Variants in INKA2 observed in about 807,000 individuals in gnomAD.
INKA2 encodes inka box actin regulator 2.
In INKA2, 3 loss-of-function variants were observed where a neutral mutation model predicts 9.8. The observed-to-expected ratio is 0.31, with a 90% confidence interval of 0.14 to 0.79. INKA2 has a LOEUF of 0.79. Among genes scored for constraint, INKA2 ranks in the 30% least tolerant of loss-of-function variants. The probability of loss-of-function intolerance (pLI) is 0.62; values close to 1 mark genes in which losing one functional copy is unlikely to be tolerated. For missense variants in INKA2, 392 were observed against 384.4 expected, an observed-to-expected ratio of 1.02 and a Z score of -0.17; for synonymous variants, 147 against 143.3, an observed-to-expected ratio of 1.03 and a Z score of -0.18.
rs966409238 is a variant in INKA2, at chr1:111,725,419, G to C, written c.*1549C>G. 3 of 152,150 alleles carry C rather than the reference G, an allele frequency of 2.0e-5. No homozygotes were observed. The highest frequency in any genetic ancestry group is 4.8e-5 in the African/African-American group (2 of 41,414). 9.4% of individuals were successfully genotyped at this position (152,150 alleles called of 1,614,324 possible). On this transcript the variant is annotated 3_prime_UTR_variant, in exon 2 of 2. Transcript: ENST00000357260. ...CAGTGGCTTCCCAGGGCAGTCCTGG[G>C]GGGGGGCCTGGATCACTAGGTGGCC... is the stretch of plus-strand genomic sequence containing the variant.
At chr1:111,730,785 G>A (rs1393095321) in intron 1 of INKA2, among the ~76,000 whole-genome samples, 1 of 152,106 alleles carries the variant, frequency 6.6e-6, no homozygotes, top group East Asian at 1.9e-4. Context: ...GAGGACAGGG[G>A]CTGAGATCTA....
intron 1 of INKA2, chr1:111,746,277 C>T (rs1241940323): frequency 6.6e-6 from 1 of 152,212 alleles, no homozygotes; most frequent in African/African-American, 2.4e-5. Flanking sequence ...AAGAGAAGAC[C>T]TCAAATTCCC....
intron 1 of INKA2, among the ~76,000 whole-genome samples, chr1:111,737,134 G>A (rs1013771080): frequency 2.0e-5 from 3 of 152,138 alleles, no homozygotes; most frequent in Non-Finnish European, 4.4e-5. Context: ...TCCTCTCCAA[G>A]AGAGTCAAAG....
chr1:111,734,535 G>A (rs933194919), intron 1 of INKA2, among the ~76,000 whole-genome samples: 1 of 151,892 alleles, frequency 6.6e-6, no homozygotes, highest in Non-Finnish European at 1.5e-5. Flanking sequence ...TGGATCCCAG[G>A]GCTGCTCTCC....
chr1:111,749,052 C>T (rs996705404), intron 1 of INKA2, among the ~76,000 whole-genome samples: 1 of 152,178 alleles, frequency 6.6e-6, no homozygotes, highest in East Asian at 1.9e-4. Context: ...AAAATGTGAG[C>T]GAAGCTGCCT....
intron 1 of INKA2, chr1:111,754,872 T>C (rs540266836): frequency 1.3e-5 from 2 of 152,322 alleles, no homozygotes; most frequent in East Asian, 3.9e-4. Flanking sequence ...GACATATAAT[T>C]TCAGGTAGGT....
At chr1:111,737,725 G>T (rs1227124169) in intron 1 of INKA2, among the ~76,000 whole-genome samples, 2 of 152,212 alleles carry the variant, frequency 1.3e-5, no homozygotes, top group Non-Finnish European at 2.9e-5. Context: ...TGTCTCTCAA[G>T]AAATTTATCT....
intron 1 of INKA2, among the ~76,000 whole-genome samples, chr1:111,738,954 GTCTC>G (rs1046134453): frequency 6.6e-6 from 1 of 152,158 alleles, no homozygotes; most frequent in African/African-American, 2.4e-5. Flanking sequence ...TGCTCCCTCT[GTCTC>G]TCTGTCACTT....
chr1:111,723,286 C>A lies in INKA2; in HGVS notation c.*3682G>T. 1.9e-6 allele frequency: 1 copy of A among 533,456 alleles called. No homozygotes were observed. Among genetic ancestry groups the A allele is most frequent in the Non-Finnish European group, 3.3e-6 (1 of 302,334 alleles). The allele number at this position is 533,456 out of a possible 1,614,324, so 33.0% of individuals were successfully genotyped here. ...AGATGGGGATGTGGAGAGGACAGAG[C>A]AACCTTCTTTGGGGCAAGTTTGGGT... is the stretch of plus-strand genomic sequence containing the variant. On this transcript the variant is annotated 3_prime_UTR_variant, in exon 2 of 2. Coordinates refer to ENST00000357260, the MANE Select transcript of INKA2 (RefSeq NM_019099.5).
intron 1 of INKA2, among the ~76,000 whole-genome samples, chr1:111,729,123 GGGCTGAAAA>G (rs1356156356): frequency 3.3e-5 from 5 of 152,128 alleles, no homozygotes; most frequent in Non-Finnish European, 7.4e-5. Flanking sequence ...CAGTGAAGAA[GGGCTGAAAA>G]GGGCATTAGT....
chr1:111,727,307 C>T lies in INKA2; in HGVS notation c.555G>A (p.Gly185=), dbSNP rs372833548. 17 of 1,614,206 alleles carry T rather than the reference C, an allele frequency of 1.1e-5. No individual in the cohort carries two copies. The African/African-American group carries it at 1.2e-4, about 11-fold the overall frequency. The change falls in exon 2 of 2, where the codon GGG becomes GGA. Residue 185 remains glycine, a synonymous_variant. Coordinates refer to ENST00000357260, the MANE Select transcript of INKA2 (RefSeq NM_019099.5). ...LEKGGEKGET[G]GAREPKGEKG... Reference sequence around the variant, plus strand: ...TCTCTCCTTTGGGTTCACGTGCCCCCCCAGTCTCACCCTTCTCCCCACCCT... The same window carrying T: ...TCTCTCCTTTGGGTTCACGTGCCCCTCCAGTCTCACCCTTCTCCCCACCCT...
chr1:111,723,293 C>A lies in INKA2; in HGVS notation c.*3675G>T, dbSNP rs1327834891. The A allele has an allele frequency of 5.6e-5, 29 of 521,814 alleles. No individual in the cohort carries two copies. Among genetic ancestry groups the A allele is most frequent in the South Asian group, 5.2e-4 (20 of 38,142 alleles). 32.3% of individuals were successfully genotyped at this position (521,814 alleles called of 1,614,324 possible). A position where few individuals can be genotyped will look rare whatever the true frequency, so the allele number is the denominator to read the frequency against. On this transcript the variant is annotated 3_prime_UTR_variant, in exon 2 of 2. Transcript: ENST00000357260. ...GATGTGGAGAGGACAGAGCAACCTT[C>A]TTTGGGGCAAGTTTGGGTTCAGAGA...
chr1:111,727,107 C>T lies in INKA2; in HGVS notation c.755G>A (p.Ser252Asn), dbSNP rs201711071. 6.8e-5 allele frequency: 110 copies of T among 1,614,256 alleles called. No individual in the cohort carries two copies. The African/African-American group carries it at 1.1e-3, about 16-fold the overall frequency. Residue 252 changes from serine (S) to asparagine (N), a missense_variant, in exon 2 of 2, where the codon AGC becomes AAC. Physicochemically the swap from Ser to Asn is conservative, Grantham distance 46. Transcript: ENST00000357260. ...GAAATGTCCAGAGCCCTTGGAAAGG[C>T]TCCGCTTCTTGACCTTCTGTGAGCG... The part of the protein sequence containing the change: ...TGRSQKVKKR[S>N]LSKGSGHFPF...
Position 111,722,980 on chromosome 1 carries a change from A to G in INKA2, c.*3988T>C. 3.0e-6 allele frequency: 2 copies of G among 674,882 alleles called. No homozygotes were observed. The highest frequency in any genetic ancestry group is 5.4e-6 in the Non-Finnish European group (2 of 372,376). The allele number at this position is 674,882 out of a possible 1,614,324, so 41.8% of individuals were successfully genotyped here. A position where few individuals can be genotyped will look rare whatever the true frequency, so the allele number is the denominator to read the frequency against. On this transcript the variant is annotated 3_prime_UTR_variant, in exon 2 of 2. Transcript: ENST00000357260. ...GCAGCCCCACATTATCACCTTTCAC[A>G]GATGAGAAACACAAGGTTCAGAGAG...
intron 1 of INKA2, chr1:111,747,039 A>C (rs529738869): frequency 6.6e-6 from 1 of 152,334 alleles, no homozygotes; most frequent in East Asian, 1.9e-4. Context: ...TGTAGCGCAG[A>C]AATGTTAAGT....
intron 1 of INKA2, among the ~76,000 whole-genome samples, chr1:111,731,846 G>GTTCC (rs1454859300): frequency 6.6e-6 from 1 of 152,218 alleles, no homozygotes; most frequent in Non-Finnish European, 1.5e-5. Context: ...TAATGACAGG[G>GTTCC]TTCCATTCCT....
At chr1:111,728,903 C>CTTTTTTTTTTTT (rs34918562) in intron 1 of INKA2, among the ~76,000 whole-genome samples, 1,393 of 115,358 alleles carry the variant, frequency 0.012, 113 homozygotes, top group African/African-American at 0.039. Flanking sequence ...TGGAGCTAGG[C>CTTTTTTTTTTTT]TTTTTTTTTT....
chr1:111,731,195 A>T (rs1662897934), intron 1 of INKA2, among the ~76,000 whole-genome samples: 1 of 152,214 alleles, frequency 6.6e-6, no homozygotes, highest in South Asian at 2.1e-4. Flanking sequence ...CTATGTAAGT[A>T]AGCAAGTGCT....
rs77170062 is a variant in INKA2 at position 111,750,262 on chromosome 1, G to A, written n.124+5439C>T. On this transcript the variant is annotated intron_variant and non_coding_transcript_variant, in intron 1 of 1. Coordinates refer to the INKA2 transcript ENST00000444059. ...GGGGGGTGGCTGTGCAGTGGGCATG[G>A]GCTCAGGCTTTTGCTAGTTCTCCCT... is the stretch of plus-strand genomic sequence containing the variant. Among the ~76,000 whole-genome samples, 97 of 152,304 alleles carry A rather than the reference G, an allele frequency of 6.4e-4. 1 individual carries two copies. The East Asian group carries it at 0.015, about 24-fold the overall frequency.
Sources: gnomAD v4.1 joint callset for allele counts (sites outside exome capture counted in the v4.1 genomes callset) on GRCh38, gnomAD v4.1.1 for gene constraint, MANE v1.5 for transcripts, NCBI Gene and HGNC (gene_info 2026-07-23, HGNC 2026-07-21) for gene names.